SVIL: variants seen among roughly 807,000 people sequenced by gnomAD.
The protein encoded by SVIL is archvillin.
SVIL carries 101 observed loss-of-function variants against 240.4 expected under a neutral mutation model. The observed-to-expected ratio is 0.42, with a 90% CI of 0.36 to 0.50. The LOEUF (loss-of-function observed/expected upper bound fraction) is 0.50. Ranked by LOEUF, SVIL falls within the 20% of genes least tolerant of loss-of-function variation. SVIL has a pLI of 0.01. For synonymous variants in SVIL, 999 were observed against 1,100.0 expected (o/e 0.91, Z 1.82); for missense variants, 2,512 against 2,818.7 (o/e 0.89, Z 2.46).
chr10:29,624,612 C>T (rs1957796167), intron 1 of SVIL, among the ~76,000 whole-genome samples: 1 of 152,022 alleles, frequency 6.6e-6, no homozygotes, highest in African/African-American at 2.4e-5. Flanking sequence ...CCAGCAATAA[C>T]AATTTGACTT....
At chr10:29,715,365 A>G (rs1232371870) in intron 1 of SVIL, among the ~76,000 whole-genome samples, 1 of 152,212 alleles carries the variant, frequency 6.6e-6, no homozygotes, top group Non-Finnish European at 1.5e-5. Flanking sequence ...TAGCCAACTT[A>G]GCTAAGGGAC....
intron 1 of SVIL, among the ~76,000 whole-genome samples, chr10:29,629,828 T>C (rs1355743164): frequency 6.8e-6 from 1 of 147,674 alleles, no homozygotes; most frequent in African/African-American, 2.5e-5. Flanking sequence ...TTTTTTTTTT[T>C]AATTAGCTGG....
chr10:29,666,548 A>G (rs1298291013), intron 2 of SVIL, among the ~76,000 whole-genome samples: 2 of 152,350 alleles, frequency 1.3e-5, no homozygotes, highest in African/African-American at 4.8e-5. Flanking sequence ...AGCCTGGTAC[A>G]CTTACGCCAA....
intron 1 of SVIL, among the ~76,000 whole-genome samples, chr10:29,579,278 A>G (rs909872895): frequency 1.3e-5 from 2 of 152,110 alleles, no homozygotes; most frequent in Non-Finnish European, 2.9e-5. Flanking sequence ...TCTACTAAAA[A>G]TACAAAAAAA....
Position 29,684,526 on chromosome 10 carries a change from A to G in SVIL, c.-301+2027T>C, listed in dbSNP as rs183692388. Among the ~76,000 whole-genome samples, 120 of 152,310 alleles carry G rather than the reference A, an allele frequency of 7.9e-4. 3 individuals are homozygous for G. The South Asian group carries it at 0.011, about 13-fold the overall frequency. On this transcript the variant is annotated intron_variant, in intron 2 of 35. Coordinates refer to the SVIL transcript ENST00000375400. ...TTGAAAGAGTTAAGTTATTGTCTAA[A>G]GACCTGGAATAAACAGAAAGGAGAG...
At chr10:29,481,192 G>GT (rs1933683731) in intron 28 of SVIL, among the ~76,000 whole-genome samples, 1 of 149,306 alleles carries the variant, frequency 6.7e-6, no homozygotes, top group African/African-American at 2.5e-5. Flanking sequence ...GTGTGTCCAT[G>GT]GTTTTTTTTT....
chr10:29,725,536 G>A (rs982826186), intron 1 of SVIL, among the ~76,000 whole-genome samples: 3 of 152,092 alleles, frequency 2.0e-5, no homozygotes, highest in Admixed American at 6.5e-5. Flanking sequence ...TCCCCTCCAC[G>A]AGGGGTTCAT....
At chr10:29,493,447 A>T in intron 20 of SVIL, 56 bp from the exon 21 acceptor site, 1 of 1,574,640 alleles carries the variant, frequency 6.4e-7, no homozygotes, top group African/African-American at 1.4e-5. Flanking sequence ...GACTCCAATT[A>T]TGCTTCACAA....
intron 17 of SVIL, 116 bp downstream of exon 17, chr10:29,512,619 G>C: frequency 6.4e-7 from 1 of 1,570,340 alleles, no homozygotes; most frequent in East Asian, 2.2e-5. Context: ...TACCCTAAGG[G>C]CAAAAATGCA....
rs1168678719 is a variant in SVIL at position 29,522,567 on chromosome 10, T to C, written c.3232A>G (p.Thr1078Ala). ...TAAGKTIAQTTAPVSWKPQDS... is the reference protein window; with the variant it reads ...TAAGKTIAQTAAPVSWKPQDS... Reference sequence around the variant, plus strand: ...TGGGGCTTCCAGGACACGGGGGCTGTGGTTTGAGCAATAGTTTTCCCAGCA... The same window carrying C: ...TGGGGCTTCCAGGACACGGGGGCTGCGGTTTGAGCAATAGTTTTCCCAGCA... Residue 1078 changes from threonine (T) to alanine (A), a missense_variant, in exon 16 of 38, where the codon ACA becomes GCA. This residue lies in a region of SVIL where 1,443 missense variants were observed against 1,486.6 expected (regional missense o/e 0.97). Coordinates refer to ENST00000355867, the MANE Select transcript of SVIL (RefSeq NM_021738.3). 6.2e-7 allele frequency: 1 copy of C among 1,614,158 alleles called. No individual in the cohort carries two copies. Among genetic ancestry groups the C allele is most frequent in the Non-Finnish European group, 8.5e-7 (1 of 1,180,032 alleles).
intron 1 of SVIL, among the ~76,000 whole-genome samples, chr10:29,727,819 G>A (rs944292635): frequency 1.3e-5 from 2 of 152,008 alleles, no homozygotes; most frequent in Admixed American, 6.6e-5. Context: ...CAGGTGGGAG[G>A]GCTCTGGGTG....
At chr10:29,547,491 T>C (rs1351717989) in intron 6 of SVIL, among the ~76,000 whole-genome samples, 1 of 152,196 alleles carries the variant, frequency 6.6e-6, no homozygotes, top group African/African-American at 2.4e-5. Context: ...GGCTAAGGCT[T>C]GGCTTATGAA....
chr10:29,554,706 T>C, intron 5 of SVIL, 77 bp downstream of exon 5: 1 of 1,428,378 alleles, frequency 7.0e-7, no homozygotes, highest in Admixed American at 2.9e-5. Context: ...CATGTTCTGA[T>C]ACCACTGGGT....
intron 1 of SVIL, among the ~76,000 whole-genome samples, chr10:29,609,367 G>A (rs968781650): frequency 6.6e-6 from 1 of 152,202 alleles, no homozygotes; most frequent in Non-Finnish European, 1.5e-5. Context: ...CCCTCTGCTG[G>A]TGCTGAGTGG....
chr10:29,545,620 G>T (rs948300217), intron 6 of SVIL, among the ~76,000 whole-genome samples: 1 of 151,994 alleles, frequency 6.6e-6, no homozygotes, highest in Non-Finnish European at 1.5e-5. Flanking sequence ...ATTTTAGGAC[G>T]CCGAGGTGGG....
At chr10:29,539,133 C>A (rs1951951624) in intron 6 of SVIL, among the ~76,000 whole-genome samples, 1 of 151,798 alleles carries the variant, frequency 6.6e-6, no homozygotes, top group African/African-American at 2.4e-5. Context: ...CCACTGCACT[C>A]CAGCCTGGGA....
Position 29,465,741 on chromosome 10 carries a change from C to T in SVIL, c.5987G>A (p.Ser1996Asn), listed in dbSNP as rs746255809. Residue 1996 changes from serine to asparagine, a missense_variant, in exon 34 of 38, where the codon AGT becomes AAT. Physicochemically the swap from Ser to Asn is conservative, Grantham distance 46. Around this residue, in one of 3 missense-constraint regions of SVIL, gnomAD observed 797 missense variants for 925.3 expected, o/e 0.86. Transcript: ENST00000355867. The stretch of plus-strand genomic sequence containing the variant: ...GAACAGGCGGGGCGCGAAGTTAAAA[C>T]TTCCAGGATCTTTGAAAGAAAAGAG... ...AYDCMLQDPG[S>N]FNFAPRLFIL... 18 of 1,612,090 alleles carry T rather than the reference C, an allele frequency of 1.1e-5. No homozygotes were observed. The East Asian group carries it at 4.0e-4, about 36-fold the overall frequency.
chr10:29,538,546 T>C (rs1048095216), intron 6 of SVIL, among the ~76,000 whole-genome samples: 1 of 152,222 alleles, frequency 6.6e-6, no homozygotes, highest in Non-Finnish European at 1.5e-5. Flanking sequence ...CCTGGGCCGG[T>C]GGTGTGTGGT....
At chr10:29,543,900 T>A (rs371748191) in intron 6 of SVIL, among the ~76,000 whole-genome samples, 256 of 152,302 alleles carry the variant, frequency 1.7e-3, no homozygotes, top group African/African-American at 5.5e-3. Context: ...CTTATAGGGT[T>A]ATTGGGGACC....
Sources: gnomAD v4.1 joint callset for allele counts (sites outside exome capture counted in the v4.1 genomes callset) on GRCh38, gnomAD v4.1.1 for gene constraint, gnomAD v4.1.1 regional missense constraint, MANE v1.5 for transcripts, NCBI Gene and HGNC (gene_info 2026-07-23, HGNC 2026-07-21) for gene names.